PLCB1: variants seen among roughly 807,000 people sequenced by gnomAD.
The protein encoded by PLCB1 is phospholipase C beta 1.
In PLCB1, 46 loss-of-function variants were observed where a neutral mutation model predicts 161.8. That is an observed-to-expected ratio of 0.28 (90% CI 0.22 to 0.36). The LOEUF is 0.36. PLCB1 is among the 10% of genes least tolerant of loss of function. PLCB1 has a pLI of 1.00. For synonymous variants in PLCB1, 517 were observed against 503.7 expected, an observed-to-expected ratio of 1.03 and a Z score of -0.35; for missense variants, 1,016 against 1,472.5, an observed-to-expected ratio of 0.69 and a Z score of 5.07.
At chr20:8,600,492 G>A (rs1376286508) in intron 3 of PLCB1, among the ~76,000 whole-genome samples, 2 of 150,616 alleles carry the variant, frequency 1.3e-5, no homozygotes, top group Admixed American at 6.6e-5. Flanking sequence ...GAGAACCACT[G>A]CTCTCTTCAA....
At chr20:8,742,875 C>T (rs899423623) in intron 23 of PLCB1, among the ~76,000 whole-genome samples, 3 of 152,152 alleles carry the variant, frequency 2.0e-5, no homozygotes, top group Admixed American at 6.5e-5. Context: ...TATTCTGATA[C>T]AGACATACTG....
intron 30 of PLCB1, among the ~76,000 whole-genome samples, 194 bp from the exon 31 acceptor site, chr20:8,789,980 CA>C (rs1168887244): frequency 4.6e-5 from 7 of 152,082 alleles, no homozygotes; most frequent in Non-Finnish European, 1.0e-4. Flanking sequence ...CATTGATCAC[CA>C]CCTCCCACCC....
At chr20:8,752,462 A>C (rs1317205869) in intron 23 of PLCB1, 2 of 152,190 alleles carry the variant, frequency 1.3e-5, no homozygotes, top group African/African-American at 4.8e-5. Context: ...AGCCACTTCT[A>C]ATTGCAGTCT....
chr20:8,513,192 G>A (rs533242790), intron 3 of PLCB1, among the ~76,000 whole-genome samples: 3 of 152,172 alleles, frequency 2.0e-5, no homozygotes, highest in Admixed American at 6.5e-5. Flanking sequence ...AAGCAAAGTT[G>A]ATCAAAGACA....
rs183617404 is a variant in PLCB1, at chr20:8,857,452, A to C, written c.3424-24170A>C. Among the ~76,000 whole-genome samples the C allele has an allele frequency of 2.2e-4, 33 of 152,330 alleles. No individual in the cohort carries two copies. The East Asian group carries it at 6.2e-3, about 28-fold the overall frequency. Reference sequence around the variant, plus strand: ...TGAATGTATCGCACTTATCCATTCTACTGTCAGTTTGCATTTAGTGATGTC... The same window carrying C: ...TGAATGTATCGCACTTATCCATTCTCCTGTCAGTTTGCATTTAGTGATGTC... On this transcript the variant is annotated intron_variant, in intron 31 of 31. Transcript: ENST00000338037.
chr20:8,291,160 T>C lies in PLCB1; in HGVS notation c.178-80222T>C, dbSNP rs554892646. On this transcript the variant is annotated intron_variant, in intron 2 of 31. Transcript: ENST00000338037. ...GATTTAATCTTGAAAATGCAACATTTGTGTTTAGCATTGTCAAAGGCAAAA... is the reference window on the plus strand; with the variant it reads ...GATTTAATCTTGAAAATGCAACATTCGTGTTTAGCATTGTCAAAGGCAAAA... Among the ~76,000 whole-genome samples, 12 of 152,250 alleles carry C rather than the reference T, an allele frequency of 7.9e-5. No individual in the cohort carries two copies. The South Asian group carries it at 1.2e-3, about 16-fold the overall frequency.
intron 3 of PLCB1, among the ~76,000 whole-genome samples, chr20:8,616,157 C>T (rs906660758): frequency 1.8e-4 from 28 of 152,312 alleles, no homozygotes; most frequent in African/African-American, 5.5e-4. Context: ...ATCCTTCCCC[C>T]GTTTAAAGCC....
In PLCB1 at chr20:8,729,109, A is replaced by G. The variant is rs1980094369; in HGVS notation, c.1823A>G (p.Asn608Ser). Residue 608 changes from asparagine (N) to serine (S), a missense_variant, in exon 18 of 32, where the codon AAC becomes AGC. Around this residue, in one of 10 missense-constraint regions of PLCB1, gnomAD observed 67 missense variants for 195.6 expected, o/e 0.34. Transcript: ENST00000338037. ...AAAGGAACACGTGTGGATTCATCCA[A>G]CTATATGCCTCAGCTCTTCTGGAAT... Reference protein sequence around the residue: ...YPKGTRVDSSNYMPQLFWNAG... With the variant: ...YPKGTRVDSSSYMPQLFWNAG... The G allele has an allele frequency of 1.2e-6, 2 of 1,612,402 alleles. No homozygotes were observed. Among genetic ancestry groups the G allele is most frequent in the Admixed American group, 1.7e-5 (1 of 59,890 alleles).
At chr20:8,416,912 C>T (rs891602917) in intron 3 of PLCB1, among the ~76,000 whole-genome samples, 3 of 136,690 alleles carry the variant, frequency 2.2e-5, no homozygotes, top group Non-Finnish European at 3.1e-5. Flanking sequence ...GTCTCTTTTA[C>T]AGTTGAAGAG....
chr20:8,770,650 C>T (rs6056086), intron 26 of PLCB1, among the ~76,000 whole-genome samples: 6 of 152,160 alleles, frequency 3.9e-5, no homozygotes, highest in East Asian at 1.9e-4. Flanking sequence ...CGGGACAACT[C>T]GAAGCAAAGG....
intron 3 of PLCB1, among the ~76,000 whole-genome samples, chr20:8,398,766 C>CT (rs557297141): frequency 0.016 from 2,347 of 147,500 alleles, 63 homozygotes; most frequent in African/African-American, 0.055. Flanking sequence ...ATAATTTGCA[C>CT]TTTTTTTTTT....
intron 2 of PLCB1, among the ~76,000 whole-genome samples, chr20:8,196,263 A>C (rs1250318835): frequency 6.6e-6 from 1 of 152,144 alleles, no homozygotes; most frequent in Non-Finnish European, 1.5e-5. Context: ...ACATTCTATC[A>C]GACAGAAAAT....
intron 3 of PLCB1, among the ~76,000 whole-genome samples, chr20:8,457,979 G>A (rs764440): frequency 0.41 from 62,234 of 152,082 alleles, 13,708 homozygotes; most frequent in African/African-American, 0.56. Context: ...ACCACTATCA[G>A]TTGCATTTGG....
chr20:8,325,906 C>T (rs963031665), intron 2 of PLCB1, among the ~76,000 whole-genome samples: 2 of 152,166 alleles, frequency 1.3e-5, no homozygotes, highest in African/African-American at 4.8e-5. Context: ...AGGACAACAC[C>T]TTCATTTGAA....
intron 2 of PLCB1, among the ~76,000 whole-genome samples, chr20:8,323,098 A>AG (rs1265837380): frequency 1.3e-5 from 2 of 152,160 alleles, no homozygotes; most frequent in African/African-American, 4.8e-5. Context: ...CAGTCCCAAG[A>AG]GGGATTTGAA....
intron 2 of PLCB1, among the ~76,000 whole-genome samples, chr20:8,259,027 C>T (rs1210666695): frequency 6.6e-6 from 1 of 152,122 alleles, no homozygotes; most frequent in Non-Finnish European, 1.5e-5. Flanking sequence ...TGGAATCATA[C>T]AATATGTAGC....
At chr20:8,487,111 T>A (rs1263434292) in intron 3 of PLCB1, among the ~76,000 whole-genome samples, 3 of 152,158 alleles carry the variant, frequency 2.0e-5, no homozygotes, top group Non-Finnish European at 4.4e-5. Flanking sequence ...GCAGTGTGAG[T>A]TTGTGTGTAT....
chr20:8,228,088 G>C (rs192585205), intron 2 of PLCB1, among the ~76,000 whole-genome samples: 38 of 152,224 alleles, frequency 2.5e-4, no homozygotes, highest in Middle Eastern at 3.4e-3. Flanking sequence ...GAACCTGGGT[G>C]GGGGAGGTTG....
rs73895745 is a variant in PLCB1 at position 8,285,592 on chromosome 20, T to C, written c.178-85790T>C. ...GACATGGCCATTTTCTGTGTTTAACTTTCTGTTTGGACTGGTCTCTGTATC... is the reference window on the plus strand; with the variant it reads ...GACATGGCCATTTTCTGTGTTTAACCTTCTGTTTGGACTGGTCTCTGTATC... On this transcript the variant is annotated intron_variant, in intron 2 of 31. Transcript: ENST00000338037. Among the ~76,000 whole-genome samples, 688 of 152,280 alleles carry C rather than the reference T, an allele frequency of 4.5e-3. 7 individuals are homozygous for C. The highest frequency in any genetic ancestry group is 0.016 in the African/African-American group (649 of 41,544).
Sources: gnomAD v4.1 joint callset for allele counts (sites outside exome capture counted in the v4.1 genomes callset) on GRCh38, gnomAD v4.1.1 for gene constraint, gnomAD v4.1.1 regional missense constraint, MANE v1.5 for transcripts, NCBI Gene and HGNC (gene_info 2026-07-23, HGNC 2026-07-21) for gene names.